The following STON2 variants were observed in gnomAD, a reference collection of about 807,000 sequenced individuals.
STON2 encodes the protein stonin 2, also known as stonin-2.
Under a neutral mutation model 65.7 loss-of-function variants are expected in STON2, and 29 were observed. The ratio of observed to expected loss-of-function variants is 0.44; its 90% CI spans 0.33 to 0.60. The LOEUF is 0.60. Ranked by LOEUF, STON2 falls within the 20% of genes least tolerant of loss-of-function variation. STON2 has a pLI of 0.03. For synonymous variants in STON2, 404 were observed against 414.2 expected (o/e 0.98, Z 0.30); for missense variants, 1,054 against 1,118.1 (o/e 0.94, Z 0.82).
At chr14:81,276,861 A>G in intron 6 of STON2, 40 bp downstream of exon 6, 1 of 1,573,750 alleles carries the variant, frequency 6.4e-7, no homozygotes. Context: ...CTTTTTCACA[A>G]CTGTATGTTT....
chr14:81,287,634 T>C (rs1895388773), intron 5 of STON2, among the ~76,000 whole-genome samples: 1 of 152,176 alleles, frequency 6.6e-6, no homozygotes, highest in African/African-American at 2.4e-5. Flanking sequence ...CATCAGACTT[T>C]AAGTTTGTTG....
rs541370349 is a variant in STON2, at chr14:81,395,813, T to C, written c.373+81A>G. The stretch of plus-strand genomic sequence containing the variant: ...GGGTTAGGGGGCAGATGAAATGGAA[T>C]CCTGGCAGCCCTATAGACCTCTCAC... On this transcript the variant is annotated intron_variant, in intron 3 of 7. Transcript: ENST00000614646. The C allele has an allele frequency of 2.0e-5, 29 of 1,432,574 alleles. No individual in the cohort carries two copies. In the East Asian group the frequency reaches 5.9e-4, roughly 29 times the overall value. The allele number at this position is 1,432,574 out of a possible 1,614,324, so 88.7% of individuals were successfully genotyped here. A position where few individuals can be genotyped will look rare whatever the true frequency, so the allele number is the denominator to read the frequency against.
chr14:81,430,389 C>T (rs1902180607), intron 1 of STON2, among the ~76,000 whole-genome samples: 1 of 152,228 alleles, frequency 6.6e-6, no homozygotes, highest in Non-Finnish European at 1.5e-5. Flanking sequence ...AGCAGATGGT[C>T]AATACCATTC....
In STON2 at chr14:81,263,136, T is replaced by G. The variant is rs1044519329; in HGVS notation, c.*5278A>C. The G allele has an allele frequency of 8.1e-6, 8 of 985,328 alleles. No homozygotes were observed. Among genetic ancestry groups the G allele is most frequent in the Non-Finnish European group, 8.4e-6 (7 of 829,948 alleles). The allele number at this position is 985,328 out of a possible 1,614,324, so 61.0% of individuals were successfully genotyped here. A position where few individuals can be genotyped will look rare whatever the true frequency, so the allele number is the denominator to read the frequency against. On this transcript the variant is annotated 3_prime_UTR_variant, in exon 8 of 8. Transcript: ENST00000614646. ...AATTTTTTGTTAGTTTTGCTTGAAA[T>G]TCCTGTTAAATTGCATTCTGGACAT...
chr14:81,409,296 T>A (rs1420513575), intron 2 of STON2, among the ~76,000 whole-genome samples: 1 of 151,648 alleles, frequency 6.6e-6, no homozygotes, highest in Non-Finnish European at 1.5e-5. Context: ...TTCCAGCTAC[T>A]CGGGAGGCTG....
chr14:81,317,577 C>G (rs942250617), intron 5 of STON2, among the ~76,000 whole-genome samples: 4 of 152,186 alleles, frequency 2.6e-5, no homozygotes, highest in Non-Finnish European at 4.4e-5. Flanking sequence ...TAGGCACAAG[C>G]CTTTCACAAA....
At chr14:81,390,717 T>C (rs776817906) in intron 3 of STON2, among the ~76,000 whole-genome samples, 17 of 152,238 alleles carry the variant, frequency 1.1e-4, no homozygotes, top group Non-Finnish European at 2.4e-4. Flanking sequence ...AGTACATTAG[T>C]TTCCTATGGC....
intron 6 of STON2, among the ~76,000 whole-genome samples, chr14:81,272,488 T>C (rs1444830735): frequency 6.6e-6 from 1 of 152,348 alleles, no homozygotes; most frequent in Admixed American, 6.5e-5. Flanking sequence ...ATGTTCTTTA[T>C]TGGTCTGGCT....
chr14:81,406,600 C>T (rs1033577977), intron 2 of STON2, among the ~76,000 whole-genome samples: 2 of 152,112 alleles, frequency 1.3e-5, no homozygotes, highest in Admixed American at 1.3e-4. Context: ...TTTACAGACC[C>T]TCCTTGAGAA....
At chr14:81,391,217 C>A (rs1474513872) in intron 3 of STON2, among the ~76,000 whole-genome samples, 2 of 152,220 alleles carry the variant, frequency 1.3e-5, no homozygotes, top group Non-Finnish European at 2.9e-5. Context: ...ACTGGAAGAA[C>A]AGAGCAGGTA....
At chr14:81,268,718 C>G in intron 7 of STON2, 1 of 856,740 alleles carries the variant, frequency 1.2e-6, no homozygotes, top group Non-Finnish European at 1.4e-6. Flanking sequence ...CATGGTCCAC[C>G]AGGAAAATTC....
chr14:81,328,477 T>G (rs143603297), intron 4 of STON2, among the ~76,000 whole-genome samples: 99 of 152,146 alleles, frequency 6.5e-4, no homozygotes, highest in Non-Finnish European at 1.2e-3. Context: ...TACGAAGACA[T>G]CAATTTTCTC....
intron 4 of STON2, among the ~76,000 whole-genome samples, chr14:81,340,525 G>A (rs1897566492): frequency 6.6e-6 from 1 of 152,156 alleles, no homozygotes; most frequent in South Asian, 2.1e-4. Flanking sequence ...CATAGCTTTT[G>A]GCACACAGAT....
intron 4 of STON2, among the ~76,000 whole-genome samples, chr14:81,359,038 G>A (rs895757665): frequency 5.3e-4 from 80 of 152,100 alleles, no homozygotes; most frequent in Non-Finnish European, 1.3e-4. Flanking sequence ...AGACCAAATG[G>A]ACCTAGCAAA....
upstream of STON2, among the ~76,000 whole-genome samples, chr14:81,404,481 T>C (rs1313477058): frequency 1.3e-5 from 2 of 152,174 alleles, no homozygotes; most frequent in African/African-American, 4.8e-5. Context: ...ATATTTAAAA[T>C]CATATATAAG....
chr14:81,295,440 C>T (rs1186481606), intron 5 of STON2, among the ~76,000 whole-genome samples: 1 of 152,192 alleles, frequency 6.6e-6, no homozygotes, highest in Admixed American at 6.5e-5. Flanking sequence ...TATGGATCTG[C>T]GTTGAGAGTC....
intron 4 of STON2, among the ~76,000 whole-genome samples, chr14:81,342,762 T>C (rs1356745807): frequency 6.6e-6 from 1 of 151,644 alleles, no homozygotes; most frequent in South Asian, 2.1e-4. Flanking sequence ...TGAACCATGG[T>C]CTAGAAGGGG....
upstream of STON2, among the ~76,000 whole-genome samples, chr14:81,401,686 T>C (rs918139135): frequency 6.6e-6 from 1 of 152,182 alleles, no homozygotes; most frequent in African/African-American, 2.4e-5. Context: ...AGCAGGAGGA[T>C]TGACCAACAG....
intron 5 of STON2, among the ~76,000 whole-genome samples, chr14:81,279,266 T>C (rs1429008780): frequency 1.3e-5 from 2 of 152,192 alleles, no homozygotes; most frequent in Non-Finnish European, 2.9e-5. Flanking sequence ...TAATATTCAG[T>C]AGGTTCATAC....
Sources: allele counts gnomAD v4.1 joint callset (sites outside exome capture counted in the v4.1 genomes callset), GRCh38; gene constraint gnomAD v4.1.1; transcripts MANE v1.5; gene names NCBI Gene and HGNC (gene_info 2026-07-23, HGNC 2026-07-21).